The following ANO5 variants were observed in gnomAD, a reference collection of about 807,000 sequenced individuals.
The protein encoded by ANO5 is anoctamin 5.
In ANO5, 109 loss-of-function variants were observed where a neutral mutation model predicts 121.0. The ratio of observed to expected loss-of-function variants is 0.90; its 90% CI spans 0.77 to 1.06. The LOEUF (loss-of-function observed/expected upper bound fraction) is 1.06, where lower values mean the gene tolerates loss of function less well. ANO5 is among the 50% of genes least tolerant of loss of function. ANO5 has a pLI of 0.00. For synonymous variants in ANO5, 406 were observed against 359.9 expected, an observed-to-expected ratio of 1.13 and a Z score of -1.45; for missense variants, 1,064 against 1,078.5, an observed-to-expected ratio of 0.99 and a Z score of 0.19.
At chr11:22,211,126 T>G in intron 2 of ANO5, 138 bp from the exon 3 acceptor site, 1 of 927,942 alleles carries the variant, frequency 1.1e-6, no homozygotes, top group Non-Finnish European at 1.7e-6. Context: ...ATGCCCACAG[T>G]TTTGCATATG....
At chr11:22,244,659 C>T (rs1372762935) in intron 9 of ANO5, among the ~76,000 whole-genome samples, 3 of 150,820 alleles carry the variant, frequency 2.0e-5, no homozygotes, top group East Asian at 1.9e-4. Context: ...TTCCTCAGCT[C>T]GGTCTATTCT....
At chr11:22,243,790 T>C (rs1266844576) in intron 9 of ANO5, among the ~76,000 whole-genome samples, 4 of 152,220 alleles carry the variant, frequency 2.6e-5, no homozygotes, top group African/African-American at 4.8e-5. Context: ...ATTGGACTTA[T>C]TTGGATCTCC....
intron 7 of ANO5, among the ~76,000 whole-genome samples, chr11:22,231,932 C>T (rs150379276): frequency 2.1e-3 from 321 of 151,956 alleles, no homozygotes; most frequent in Middle Eastern, 0.014. Context: ...GTCCATAAGT[C>T]GTAATTATCA....
chr11:22,276,658 A>G (rs1854863707), intron 21 of ANO5, among the ~76,000 whole-genome samples: 1 of 151,508 alleles, frequency 6.6e-6, no homozygotes, highest in Non-Finnish European at 1.5e-5. Flanking sequence ...AATGTGCCTC[A>G]CTCCCAAGCT....
intron 1 of ANO5, 29 bp from the exon 2 acceptor site, chr11:22,203,775 C>T: frequency 2.2e-6 from 3 of 1,364,564 alleles, no homozygotes; most frequent in Non-Finnish European, 3.1e-6. Context: ...GCTAATTTAA[C>T]ATGTTTTTCT....
In ANO5 at chr11:22,219,407, A is replaced by G. The variant is rs1039589378; in HGVS notation, c.180+1120A>G. 3.3e-5 allele frequency among the ~76,000 whole-genome samples: 5 copies of G among 152,048 alleles called. No homozygotes were observed. In the South Asian group the frequency reaches 1.0e-3, roughly 31 times the overall value. On this transcript the variant is annotated intron_variant, in intron 4 of 21. Transcript: ENST00000324559. The stretch of plus-strand genomic sequence containing the variant: ...TACGTGCACATGTTCTGTTACCAGA[A>G]CTGTTCTTTGTGTACCCAGATTTAG...
At chr11:22,264,538 C>T (rs570018127) in intron 17 of ANO5, among the ~76,000 whole-genome samples, 17 of 149,962 alleles carry the variant, frequency 1.1e-4, no homozygotes, top group South Asian at 1.1e-3. Flanking sequence ...TTCCTAATAA[C>T]GAAAATTTCA....
chr11:22,276,182 T>A lies in ANO5; in HGVS notation c.2503T>A (p.Phe835Ile), dbSNP rs374725506. ...GCATGTCCTTGCTGCCAAGATGACC[T>A]TCATCATTGTTATGGAAGTAAGCTG... The part of the protein sequence containing the change: ...FWHVLAAKMT[F>I]IIVMEHVVFL... Residue 835 changes from phenylalanine (F) to isoleucine (I), a missense_variant, in exon 21 of 22, where the codon TTC becomes ATC. Physicochemically the swap from Phe to Ile is conservative, Grantham distance 21 (BLOSUM62 0). Coordinates refer to ENST00000324559, the MANE Select transcript of ANO5 (RefSeq NM_213599.3). 4 of 1,609,538 alleles carry A rather than the reference T, an allele frequency of 2.5e-6. No homozygotes were observed. The highest frequency in any genetic ancestry group is 3.4e-6 in the Non-Finnish European group (4 of 1,176,304).
At chr11:22,266,327 A>G (rs1405995512) in intron 17 of ANO5, among the ~76,000 whole-genome samples, 1 of 152,106 alleles carries the variant, frequency 6.6e-6, no homozygotes, top group Non-Finnish European at 1.5e-5. Context: ...ATAGTGTCTC[A>G]GAAATCACAG....
intron 7 of ANO5, among the ~76,000 whole-genome samples, chr11:22,228,031 T>C (rs1272337600): frequency 6.6e-6 from 1 of 152,092 alleles, no homozygotes; most frequent in Non-Finnish European, 1.5e-5. Context: ...AACTTTTTTT[T>C]CCCTTCATTT....
chr11:22,273,925 A>G (rs1337613977), intron 19 of ANO5, among the ~76,000 whole-genome samples: 2 of 151,852 alleles, frequency 1.3e-5, no homozygotes, highest in African/African-American at 4.8e-5. Context: ...TAGCCATAGA[A>G]GTTACATTAG....
At chr11:22,238,553 T>C (rs368096302) in intron 8 of ANO5, among the ~76,000 whole-genome samples, 21 of 152,066 alleles carry the variant, frequency 1.4e-4, no homozygotes, top group African/African-American at 4.6e-4. Context: ...TTTTCCCTTA[T>C]GTGCTTTACA....
At chr11:22,232,647 AT>A (rs1853079645) in intron 7 of ANO5, among the ~76,000 whole-genome samples, 2 of 151,934 alleles carry the variant, frequency 1.3e-5, no homozygotes, top group East Asian at 3.9e-4. Flanking sequence ...GACAACTACT[AT>A]CTACCTGTAA....
rs1181363061 is a variant in ANO5, at chr11:22,259,732, A to G, written c.1621A>G (p.Thr541Ala). 1 of 1,612,022 alleles carries G rather than the reference A, an allele frequency of 6.2e-7. No homozygotes were observed. Among genetic ancestry groups the G allele is most frequent in the Non-Finnish European group, 8.5e-7 (1 of 1,178,250 alleles). ...FFYEKISAWI[T>A]KMEIPRTYQE... ...TTATGAAAAGATATCTGCCTGGATCACAAAAATGGGTAAGCTGGCCAAATC... is the reference window on the plus strand; with the variant it reads ...TTATGAAAAGATATCTGCCTGGATCGCAAAAATGGGTAAGCTGGCCAAATC... The change falls in exon 15 of 22, where the codon ACA becomes GCA. Residue 541 changes from threonine (T) to alanine (A), a missense_variant. Physicochemically the swap from Thr to Ala is moderately conservative, Grantham distance 58 (BLOSUM62 0). Coordinates refer to ENST00000324559, the MANE Select transcript of ANO5 (RefSeq NM_213599.3).
chr11:22,229,929 A>G (rs377031397), intron 7 of ANO5, among the ~76,000 whole-genome samples: 2 of 152,112 alleles, frequency 1.3e-5, no homozygotes, highest in East Asian at 3.9e-4. Flanking sequence ...CAAACTGAAT[A>G]ATATTACAAG....
At chr11:22,227,677 C>T (rs1407939477) in intron 7 of ANO5, 91 bp downstream of exon 7, 38 of 1,489,384 alleles carry the variant, frequency 2.6e-5, no homozygotes, top group Middle Eastern at 3.7e-4. Context: ...CGTACCATTT[C>T]TGCAAGGTGC....
At chr11:22,272,598 T>A (rs1854662146) in intron 18 of ANO5, among the ~76,000 whole-genome samples, 186 bp from the exon 19 acceptor site, 1 of 152,038 alleles carries the variant, frequency 6.6e-6, no homozygotes, top group Non-Finnish European at 1.5e-5. Flanking sequence ...CTCCTTCCAG[T>A]TCTAGCAAGC....
intron 17 of ANO5, 23 bp from the exon 18 acceptor site, chr11:22,270,289 T>A: frequency 6.2e-7 from 1 of 1,613,928 alleles, no homozygotes; most frequent in South Asian, 1.1e-5. Flanking sequence ...ATTTCATATA[T>A]TAACTTTTAT....
intron 7 of ANO5, among the ~76,000 whole-genome samples, chr11:22,232,820 T>G (rs1206244350): frequency 2.0e-5 from 3 of 152,030 alleles, no homozygotes; most frequent in African/African-American, 7.2e-5. Context: ...GCTCTACTTC[T>G]GAATTTTATT....
Sources: allele counts gnomAD v4.1 joint callset (sites outside exome capture counted in the v4.1 genomes callset), GRCh38; gene constraint gnomAD v4.1.1; transcripts MANE v1.5; gene names NCBI Gene and HGNC (gene_info 2026-07-23, HGNC 2026-07-21).